The following ELMO1 variants were observed in gnomAD, a reference collection of about 807,000 sequenced individuals.
ELMO1 encodes engulfment and cell motility 1.
Under a neutral mutation model 98.9 loss-of-function variants are expected in ELMO1, and 26 were observed. The ratio of observed to expected loss-of-function variants is 0.26; its 90% CI spans 0.19 to 0.36. The LOEUF is 0.36. Among genes scored for constraint, ELMO1 ranks in the 10% least tolerant of loss-of-function variants. The pLI, the probability that ELMO1 is intolerant of heterozygous loss-of-function variation, is 1.00. For synonymous variants in ELMO1, 346 were observed against 346.0 expected (o/e 1.00, Z 0.00); for missense variants, 627 against 935.2 (o/e 0.67, Z 4.30).
chr7:36,970,177 CTT>C (rs1789796825), intron 16 of ELMO1, among the ~76,000 whole-genome samples: 1 of 130,562 alleles, frequency 7.7e-6, no homozygotes, highest in African/African-American at 3.4e-5. Flanking sequence ...CATTCATACA[CTT>C]AACACACACA....
chr7:36,861,852 CT>C (rs1802657441), intron 20 of ELMO1, 116 bp from the exon 21 acceptor site: 1 of 940,566 alleles, frequency 1.1e-6, no homozygotes, highest in African/African-American at 1.6e-5. Flanking sequence ...CCAAGCGGAG[CT>C]GCAATGAGGC....
chr7:37,178,276 G>A (rs558490943), intron 13 of ELMO1, among the ~76,000 whole-genome samples: 8 of 152,098 alleles, frequency 5.3e-5, no homozygotes, highest in East Asian at 1.9e-4. Context: ...TAAGAACCAA[G>A]CAAAGGGGAA....
chr7:37,430,289 G>A (rs896093827), intron 1 of ELMO1, among the ~76,000 whole-genome samples: 5 of 152,144 alleles, frequency 3.3e-5, no homozygotes, highest in East Asian at 1.9e-4. Context: ...TCAGCCACGC[G>A]TTACAGCTGT....
chr7:37,315,571 G>T (rs1799111222), intron 3 of ELMO1, among the ~76,000 whole-genome samples: 1 of 152,154 alleles, frequency 6.6e-6, no homozygotes, highest in Non-Finnish European at 1.5e-5. Flanking sequence ...CATCCTCTAT[G>T]GGGACCTGAG....
chr7:37,395,119 A>C (rs986439743), intron 1 of ELMO1, among the ~76,000 whole-genome samples: 2 of 152,136 alleles, frequency 1.3e-5, no homozygotes, highest in African/African-American at 2.4e-5. Context: ...TAATCCCAGC[A>C]CTATGGGAGG....
chr7:37,395,817 T>C (rs1244295000), intron 1 of ELMO1, among the ~76,000 whole-genome samples: 1 of 151,500 alleles, frequency 6.6e-6, no homozygotes, highest in Non-Finnish European at 1.5e-5. Flanking sequence ...AGGTAGGAGA[T>C]AGGGACTTTC....
At chr7:36,907,417 G>A (rs966177117) in intron 16 of ELMO1, among the ~76,000 whole-genome samples, 3 of 152,102 alleles carry the variant, frequency 2.0e-5, no homozygotes. Flanking sequence ...GTAATTGCAA[G>A]CCATTTATTA....
At chr7:37,435,608 G>A (rs1805111692) in intron 1 of ELMO1, among the ~76,000 whole-genome samples, 1 of 152,154 alleles carries the variant, frequency 6.6e-6, no homozygotes, top group Non-Finnish European at 1.5e-5. Flanking sequence ...TGTATTTTCA[G>A]ACACCCTCAT....
intron 16 of ELMO1, among the ~76,000 whole-genome samples, chr7:36,922,259 C>T (rs1239981900): frequency 6.8e-6 from 1 of 147,736 alleles, no homozygotes; most frequent in East Asian, 2.1e-4. Context: ...CCTCAAAATT[C>T]ACAAAAGCTC....
intron 16 of ELMO1, chr7:37,002,137 A>G (rs1329026613): frequency 6.6e-6 from 1 of 152,212 alleles, no homozygotes; most frequent in Non-Finnish European, 1.5e-5. Flanking sequence ...TGCGCTCCAT[A>G]TATCTCATTT....
chr7:37,277,962 C>T (rs1796932886), intron 4 of ELMO1, among the ~76,000 whole-genome samples: 1 of 152,162 alleles, frequency 6.6e-6, no homozygotes, highest in South Asian at 2.1e-4. Flanking sequence ...CTGTTTGTAC[C>T]CTAAGGTTCT....
At chr7:37,173,201 T>C (rs1022631416) in intron 13 of ELMO1, among the ~76,000 whole-genome samples, 4 of 152,216 alleles carry the variant, frequency 2.6e-5, no homozygotes, top group Non-Finnish European at 4.4e-5. Context: ...GATGCACTCT[T>C]TGAAATTGTA....
chr7:37,328,026 T>C (rs1401147323), intron 2 of ELMO1, among the ~76,000 whole-genome samples: 3 of 152,172 alleles, frequency 2.0e-5, no homozygotes, highest in Non-Finnish European at 4.4e-5. Flanking sequence ...ATATACTCCC[T>C]ACCAGATGAT....
At position 37,233,140 on chromosome 7, in the gene ELMO1, A is replaced by G. The variant is rs1794276063; in HGVS notation, c.504T>C (p.His168=). 3.1e-6 allele frequency: 5 copies of G among 1,613,930 alleles called. No homozygotes were observed. Among genetic ancestry groups the G allele is most frequent in the Non-Finnish European group, 4.2e-6 (5 of 1,179,874 alleles). ...AAAATGTATCCCAGGACACTATGCC[A>G]TGGTCCATCAGCTCAACGAAGGCCG... ...TLTAFVELMD[H]GIVSWDTFSV... is the part of the protein sequence containing the mutation. Residue 168 remains histidine, a synonymous_variant, in exon 8 of 22, where the codon CAT becomes CAC. Coordinates refer to ENST00000310758, the MANE Select transcript of ELMO1 (RefSeq NM_014800.11).
intron 15 of ELMO1, among the ~76,000 whole-genome samples, chr7:37,091,887 T>A (rs111237058): frequency 0.059 from 9,020 of 152,134 alleles, 742 homozygotes; most frequent in African/African-American, 0.19. Flanking sequence ...CGTGAGACTT[T>A]TTCAGTACCA....
rs578099752 is a variant in ELMO1 at position 37,314,373 on chromosome 7, T to TA, written c.192+476dup. Among the ~76,000 whole-genome samples, 692 of 152,288 alleles carry TA rather than the reference T, an allele frequency of 4.5e-3. 2 individuals are homozygous for TA. The highest frequency in any genetic ancestry group is 6.8e-3 in the Non-Finnish European group (466 of 68,034). On this transcript the variant is annotated intron_variant, in intron 4 of 21. Transcript: ENST00000310758. The stretch of plus-strand genomic sequence containing the variant: ...ATCCCTCCTTCTCCTTTAATCTTGC[T>TA]AAAAAAGATTTAAAATCACCCAAGG...
At chr7:36,961,108 T>C (rs191085928) in intron 16 of ELMO1, among the ~76,000 whole-genome samples, 1 of 152,212 alleles carries the variant, frequency 6.6e-6, no homozygotes, top group African/African-American at 2.4e-5. Context: ...GCCATATCAA[T>C]AGCACAATAC....
chr7:37,170,335 T>C (rs1264697173), intron 13 of ELMO1, among the ~76,000 whole-genome samples: 1 of 152,234 alleles, frequency 6.6e-6, no homozygotes, highest in African/African-American at 2.4e-5. Context: ...TATTTAAAAA[T>C]TCAGCATTGA....
At chr7:37,352,501 T>C (rs184301319) in intron 1 of ELMO1, among the ~76,000 whole-genome samples, 1 of 152,296 alleles carries the variant, frequency 6.6e-6, no homozygotes, top group East Asian at 1.9e-4. Flanking sequence ...CTATAATATT[T>C]CCCAAATGTA....
Sources: allele counts gnomAD v4.1 joint callset (sites outside exome capture counted in the v4.1 genomes callset), GRCh38; gene constraint gnomAD v4.1.1; transcripts MANE v1.5; gene names NCBI Gene and HGNC (gene_info 2026-07-23, HGNC 2026-07-21).